DCDC2C: variants seen among roughly 807,000 people sequenced by gnomAD.
DCDC2C encodes the protein doublecortin domain containing 2C, also known as doublecortin domain-containing protein 2C.
A neutral mutation model predicts 45.0 loss-of-function variants in DCDC2C; 44 were observed. The ratio of observed to expected loss-of-function variants is 0.98; its 90% confidence interval spans 0.77 to 1.26. DCDC2C has a LOEUF of 1.26. Among genes scored for constraint, DCDC2C ranks in the 50% most tolerant of loss-of-function variants. The probability of loss-of-function intolerance (pLI) is 0.00; values close to 1 mark genes in which losing one functional copy is unlikely to be tolerated. For synonymous variants in DCDC2C, 187 were observed against 178.8 expected (o/e 1.05, Z -0.37); for missense variants, 447 against 468.9 (o/e 0.95, Z 0.43).
intron 2 of DCDC2C, among the ~76,000 whole-genome samples, chr2:3,713,235 G>A (rs777730947): frequency 6.6e-6 from 1 of 151,318 alleles, no homozygotes; most frequent in East Asian, 1.9e-4. Context: ...TCTGATAGAT[G>A]TTCAAGCCCT....
At chr2:3,772,145 G>A (rs959639981) in intron 8 of DCDC2C, among the ~76,000 whole-genome samples, 4 of 152,190 alleles carry the variant, frequency 2.6e-5, no homozygotes, top group African/African-American at 9.6e-5. Flanking sequence ...TTGGAGTCAA[G>A]CCTTCTAGGT....
At chr2:3,769,225 G>A (rs1670095272) in intron 7 of DCDC2C, 86 bp from the exon 8 acceptor site, 4 of 1,349,624 alleles carry the variant, frequency 3.0e-6, no homozygotes, top group Middle Eastern at 2.3e-4. Flanking sequence ...GCCCGGCTTC[G>A]TAACTTGGGT....
At chr2:3,743,097 C>A (rs1030452317) in intron 4 of DCDC2C, among the ~76,000 whole-genome samples, 3 of 152,312 alleles carry the variant, frequency 2.0e-5, no homozygotes, top group Admixed American at 1.3e-4. Flanking sequence ...AGAACAGGGG[C>A]AGCTGGACTT....
chr2:3,802,113 T>C (rs1172496139), intron 10 of DCDC2C, among the ~76,000 whole-genome samples: 1 of 152,242 alleles, frequency 6.6e-6, no homozygotes, highest in African/African-American at 2.4e-5. Context: ...TGGTTTGTCG[T>C]TCATGGAAAG....
At chr2:3,771,760 G>A (rs1400650214) in intron 8 of DCDC2C, among the ~76,000 whole-genome samples, 1 of 152,206 alleles carries the variant, frequency 6.6e-6, no homozygotes, top group Non-Finnish European at 1.5e-5. Flanking sequence ...GAACTTGCGC[G>A]AGCGTGGCTG....
rs534542451 is a variant in DCDC2C, at chr2:3,799,182, A to C, written c.1065+14082A>C. On this transcript the variant is annotated intron_variant, in intron 10 of 10. Coordinates refer to ENST00000399143, the MANE Select transcript of DCDC2C (RefSeq NM_001287444.2). Reference sequence around the variant, plus strand: ...TCGCATCGGCTCCTGAGGCTTCTGCATTCTTCACATAGTTCTCGAGCCTTG... The same window carrying C: ...TCGCATCGGCTCCTGAGGCTTCTGCCTTCTTCACATAGTTCTCGAGCCTTG... Among the ~76,000 whole-genome samples, 16 of 152,106 alleles carry C rather than the reference A, an allele frequency of 1.1e-4. 2 individuals carry two copies. In the South Asian group the frequency reaches 3.1e-3, roughly 30 times the overall value.
intron 2 of DCDC2C, among the ~76,000 whole-genome samples, chr2:3,714,853 G>A (rs2148051572): frequency 6.6e-6 from 1 of 152,232 alleles, no homozygotes; most frequent in East Asian, 1.9e-4. Context: ...TGCCAATGGC[G>A]AGACCACTGT....
intron 10 of DCDC2C, among the ~76,000 whole-genome samples, chr2:3,821,583 A>G (rs1671687698): frequency 1.3e-5 from 2 of 152,244 alleles, no homozygotes; most frequent in Admixed American, 6.5e-5. Flanking sequence ...GAGTTTTACC[A>G]TGAATGGATG....
At chr2:3,793,305 C>T (rs1481818424) in intron 10 of DCDC2C, among the ~76,000 whole-genome samples, 4 of 152,196 alleles carry the variant, frequency 2.6e-5, no homozygotes, top group South Asian at 2.1e-4. Flanking sequence ...CTTGACAAGC[C>T]GTCTGTATAC....
rs919412389 is a variant in DCDC2C at position 3,736,742 on chromosome 2, C to G, written c.417-5178C>G. ...ATTTTCCAAATGGACGGGGTTGTTA[C>G]ATGCTGAGAATTCTGCAGTTCTCAA... On this transcript the variant is annotated intron_variant, in intron 3 of 10. Coordinates refer to ENST00000399143, the MANE Select transcript of DCDC2C (RefSeq NM_001287444.2). Among the ~76,000 whole-genome samples the G allele has an allele frequency of 3.9e-5, 6 of 152,278 alleles. No homozygotes were observed. In the East Asian group the frequency reaches 7.7e-4, roughly 20 times the overall value.
intron 2 of DCDC2C, among the ~76,000 whole-genome samples, chr2:3,723,034 A>G (rs750505469): frequency 2.0e-5 from 3 of 152,352 alleles, no homozygotes; most frequent in Admixed American, 6.5e-5. Context: ...GAATGGATGC[A>G]GGTGTGCATT....
chr2:3,713,772 C>G (rs899602681), intron 2 of DCDC2C, among the ~76,000 whole-genome samples: 5 of 152,186 alleles, frequency 3.3e-5, no homozygotes, highest in African/African-American at 1.2e-4. Context: ...TGGTATCTGT[C>G]AGAATGTGAG....
chr2:3,804,939 T>G (rs1440362289), intron 10 of DCDC2C, among the ~76,000 whole-genome samples: 1 of 152,232 alleles, frequency 6.6e-6, no homozygotes, highest in African/African-American at 2.4e-5. Context: ...TACTTATACC[T>G]TAGAAATATA....
chr2:3,797,788 A>C (rs983549524), intron 10 of DCDC2C, among the ~76,000 whole-genome samples: 3 of 151,818 alleles, frequency 2.0e-5, no homozygotes, highest in Non-Finnish European at 2.9e-5. Context: ...CTTTACTTCC[A>C]AGTATGTGGT....
intron 8 of DCDC2C, among the ~76,000 whole-genome samples, chr2:3,771,274 C>G (rs775094867): frequency 6.6e-6 from 1 of 152,234 alleles, no homozygotes; most frequent in Non-Finnish European, 1.5e-5. Flanking sequence ...GTCTCCCACT[C>G]GCCGGGTCCT....
intron 9 of DCDC2C, among the ~76,000 whole-genome samples, chr2:3,780,487 A>C (rs960220517): frequency 5.3e-5 from 8 of 152,220 alleles, no homozygotes; most frequent in African/African-American, 1.4e-4. Flanking sequence ...AGAGTGAATC[A>C]AAATGTCTTT....
chr2:3,704,721 C>G lies in DCDC2C; in HGVS notation c.287+683C>G, dbSNP rs188230630. 1.2e-3 allele frequency among the ~76,000 whole-genome samples: 29 copies of G among 24,376 alleles called. 1 individual carries two copies. The highest frequency in any genetic ancestry group is 1.5e-3 in the African/African-American group (5 of 3,422). 16.0% of individuals were successfully genotyped at this position (24,376 alleles called of 152,430 possible). ...GTAGGGGAGGGGGAGGGGGGAGGGG[C>G]GTGGGGGGGAGGGGCGTGGGGGGCA... On this transcript the variant is annotated intron_variant, in intron 1 of 10. Transcript: ENST00000399143.
intron 10 of DCDC2C, among the ~76,000 whole-genome samples, chr2:3,828,423 G>C (rs1041706144): frequency 2.0e-5 from 3 of 152,226 alleles, no homozygotes; most frequent in Admixed American, 1.3e-4. Context: ...GCAGCCTGGG[G>C]AGGTGACAGT....
chr2:3,753,583 C>G (rs528690226), intron 5 of DCDC2C, among the ~76,000 whole-genome samples: 1 of 152,200 alleles, frequency 6.6e-6, no homozygotes, highest in African/African-American at 2.4e-5. Context: ...ATCATTATCT[C>G]GAGCAAAGAA....
Sources: gnomAD v4.1 joint callset for allele counts (sites outside exome capture counted in the v4.1 genomes callset) on GRCh38, gnomAD v4.1.1 for gene constraint, MANE v1.5 for transcripts, NCBI Gene and HGNC (gene_info 2026-07-23, HGNC 2026-07-21) for gene names.